DYM: variants seen among roughly 807,000 people sequenced by gnomAD.
The protein encoded by DYM is dymeclin.
In DYM, 78 loss-of-function variants were observed where a neutral mutation model predicts 93.1. The ratio of observed to expected loss-of-function variants is 0.84; its 90% CI spans 0.70 to 1.01. DYM has a LOEUF of 1.01. Among genes scored for constraint, DYM ranks in the 50% least tolerant of loss-of-function variants. The probability of loss-of-function intolerance (pLI) is 0.00; values close to 1 mark genes in which losing one functional copy is unlikely to be tolerated. For synonymous variants in DYM, 321 were observed against 319.7 expected, an observed-to-expected ratio of 1.00 and a Z score of -0.04; for missense variants, 789 against 845.0, an observed-to-expected ratio of 0.93 and a Z score of 0.82.
intron 15 of DYM, among the ~76,000 whole-genome samples, chr18:49,156,421 C>T (rs905960774): frequency 1.2e-4 from 18 of 151,576 alleles, no homozygotes; most frequent in Non-Finnish European, 7.4e-5. Context: ...AACCACGCCC[C>T]CCCCTCAAAA....
chr18:49,318,071 C>G (rs1247563013), intron 8 of DYM, among the ~76,000 whole-genome samples: 1 of 152,106 alleles, frequency 6.6e-6, no homozygotes, highest in Non-Finnish European at 1.5e-5. Context: ...TCACTCTGCT[C>G]CATGCCTACA....
At chr18:49,448,796 C>A (rs989367113) in intron 1 of DYM, among the ~76,000 whole-genome samples, 2 of 152,144 alleles carry the variant, frequency 1.3e-5, no homozygotes, top group African/African-American at 4.8e-5. Flanking sequence ...TTTCTTTGAC[C>A]CTGAAACTTT....
At chr18:49,439,064 ATCTCCTGGCTTT>A (rs1259727456) in intron 1 of DYM, among the ~76,000 whole-genome samples, 1 of 152,140 alleles carries the variant, frequency 6.6e-6, no homozygotes, top group African/African-American at 2.4e-5. Context: ...AACTGATCCC[ATCTCCTGGCTTT>A]TCTAGTGGCT....
At chr18:49,079,918 G>C (rs1411540668) in intron 17 of DYM, among the ~76,000 whole-genome samples, 2 of 151,338 alleles carry the variant, frequency 1.3e-5, no homozygotes, top group African/African-American at 4.8e-5. Flanking sequence ...TGAGCTGTTG[G>C]GTACACCTCC....
chr18:49,097,297 ATG>A (rs1351259569), intron 17 of DYM, 103 bp downstream of exon 17: 10 of 1,005,028 alleles, frequency 9.9e-6, no homozygotes, highest in Non-Finnish European at 1.4e-5. Flanking sequence ...CTTCTAGTCT[ATG>A]TACTGGATAA....
intron 16 of DYM, 135 bp downstream of exon 16, chr18:49,118,609 G>A (rs1264851070): frequency 1.1e-5 from 9 of 824,376 alleles, no homozygotes; most frequent in Non-Finnish European, 1.4e-5. Flanking sequence ...AACTATTATA[G>A]TAAAATAGAC....
chr18:49,134,367 C>T (rs1377651438), intron 15 of DYM, among the ~76,000 whole-genome samples: 1 of 152,130 alleles, frequency 6.6e-6, no homozygotes, highest in African/African-American at 2.4e-5. Flanking sequence ...TATCACCTCA[C>T]TTTATTTTTC....
chr18:49,050,031 C>T (rs977579772), intron 17 of DYM, among the ~76,000 whole-genome samples: 2 of 151,490 alleles, frequency 1.3e-5, no homozygotes, highest in Non-Finnish European at 2.9e-5. Context: ...AGAAGATTGG[C>T]CCTGGAGTGG....
intron 8 of DYM, among the ~76,000 whole-genome samples, chr18:49,296,735 CTT>C (rs2060591146): frequency 1.3e-5 from 2 of 152,178 alleles, no homozygotes. Context: ...TCATTTCTCT[CTT>C]TTTTCCTTGC....
intron 13 of DYM, among the ~76,000 whole-genome samples, chr18:49,244,733 G>A (rs142534418): frequency 2.0e-5 from 3 of 152,232 alleles, no homozygotes; most frequent in African/African-American, 7.2e-5. Flanking sequence ...CAAAAACAAG[G>A]TAGTCTATAG....
At chr18:49,438,038 C>A (rs1243676076) in intron 1 of DYM, among the ~76,000 whole-genome samples, 1 of 151,944 alleles carries the variant, frequency 6.6e-6, no homozygotes, top group Admixed American at 6.6e-5. Context: ...AATTTAAAAA[C>A]TAGCTGGGCG....
At chr18:49,153,311 A>T (rs964114478) in intron 15 of DYM, among the ~76,000 whole-genome samples, 7 of 152,128 alleles carry the variant, frequency 4.6e-5, no homozygotes. Flanking sequence ...GACCTAATCA[A>T]TGTGGGGCTT....
intron 15 of DYM, chr18:49,126,119 TG>T (rs1417487788): frequency 6.6e-6 from 1 of 152,216 alleles, no homozygotes; most frequent in African/African-American, 2.4e-5. Context: ...CATTTTTAAG[TG>T]ACAACAGTTC....
At chr18:49,101,202 A>G (rs926423565) in intron 16 of DYM, among the ~76,000 whole-genome samples, 12 of 152,338 alleles carry the variant, frequency 7.9e-5, no homozygotes, top group African/African-American at 2.9e-4. Flanking sequence ...GACACAGCCA[A>G]TAACAGAAAA....
chr18:49,129,429 G>A (rs1239616859), intron 15 of DYM, among the ~76,000 whole-genome samples: 2 of 152,162 alleles, frequency 1.3e-5, no homozygotes, highest in African/African-American at 4.8e-5. Context: ...AAGGCAACCA[G>A]ATAAATGAAT....
intron 15 of DYM, among the ~76,000 whole-genome samples, chr18:49,140,585 G>C (rs954109826): frequency 6.6e-6 from 1 of 152,078 alleles, no homozygotes; most frequent in African/African-American, 2.4e-5. Context: ...AAGACATTTA[G>C]CAACTATAAG....
intron 2 of DYM, among the ~76,000 whole-genome samples, chr18:49,424,841 G>A (rs1306347901): frequency 6.6e-6 from 1 of 152,154 alleles, no homozygotes; most frequent in Non-Finnish European, 1.5e-5. Flanking sequence ...TACAAGGGAT[G>A]TGAAAGACCT....
At chr18:49,222,096 AAC>A (rs1160270039) in intron 13 of DYM, among the ~76,000 whole-genome samples, 1 of 151,590 alleles carries the variant, frequency 6.6e-6, no homozygotes, top group East Asian at 1.9e-4. Flanking sequence ...GACAAATAGA[AAC>A]ACACACAAAA....
At chr18:49,415,656 G>A (rs1214570988) in intron 2 of DYM, among the ~76,000 whole-genome samples, 1 of 152,040 alleles carries the variant, frequency 6.6e-6, no homozygotes, top group African/African-American at 2.4e-5. Context: ...GGCTGGGCAT[G>A]GTGGCTCATG....
Sources: gnomAD v4.1 joint callset for allele counts (sites outside exome capture counted in the v4.1 genomes callset) on GRCh38, gnomAD v4.1.1 for gene constraint, MANE v1.5 for transcripts, NCBI Gene and HGNC (gene_info 2026-07-23, HGNC 2026-07-21) for gene names.